The following ANKFN1 variants were observed in gnomAD, a reference collection of about 807,000 sequenced individuals.
ANKFN1 encodes ankyrin repeat and fibronectin type-III domain-containing protein 1.
In ANKFN1, 74 loss-of-function variants were observed where a neutral mutation model predicts 108.7. The observed-to-expected ratio is 0.68, with a 90% CI of 0.56 to 0.83. The LOEUF (loss-of-function observed/expected upper bound fraction) is 0.83. Ranked by LOEUF, ANKFN1 falls within the 40% of genes least tolerant of loss-of-function variation. The pLI, the probability that ANKFN1 is intolerant of heterozygous loss-of-function variation, is 0.00. For missense variants in ANKFN1, 1,505 were observed against 1,382.3 expected (o/e 1.09, Z -1.41); for synonymous variants, 547 against 516.2 (o/e 1.06, Z -0.81).
intron 10 of ANKFN1, among the ~76,000 whole-genome samples, chr17:56,447,134 A>C (rs889794269): frequency 3.9e-5 from 6 of 152,170 alleles, no homozygotes; most frequent in Admixed American, 1.3e-4. Context: ...GAGGAGGGAG[A>C]ATCACTTGAA....
chr17:56,401,519 T>C (rs1329310024), intron 8 of ANKFN1, among the ~76,000 whole-genome samples: 1 of 152,108 alleles, frequency 6.6e-6, no homozygotes, highest in Non-Finnish European at 1.5e-5. Flanking sequence ...GCTACTGATT[T>C]GTGTACATTA....
intron 4 of ANKFN1, among the ~76,000 whole-genome samples, chr17:56,343,525 CTCTATG>C (rs2046015865): frequency 6.6e-6 from 1 of 151,812 alleles, no homozygotes; most frequent in South Asian, 2.1e-4. Context: ...TTAACTTTCT[CTCTATG>C]TCTTTGGCTT....
chr17:56,386,658 G>A (rs1338911595), intron 8 of ANKFN1, among the ~76,000 whole-genome samples: 1 of 139,718 alleles, frequency 7.2e-6, no homozygotes, highest in East Asian at 2.1e-4. Flanking sequence ...TCTTTTTCTG[G>A]TCTCACTTGT....
At chr17:56,289,534 C>A (rs755328624) in intron 3 of ANKFN1, among the ~76,000 whole-genome samples, 2 of 152,194 alleles carry the variant, frequency 1.3e-5, no homozygotes, top group Non-Finnish European at 2.9e-5. Context: ...CAATTGAGTT[C>A]TTTCTCTGCT....
At chr17:56,487,225 C>G (rs1193362550) in intron 18 of ANKFN1, among the ~76,000 whole-genome samples, 2 of 152,178 alleles carry the variant, frequency 1.3e-5, no homozygotes, top group African/African-American at 4.8e-5. Context: ...GGTTGACACT[C>G]TACCATCCTT....
upstream of ANKFN1, among the ~76,000 whole-genome samples, chr17:56,150,624 T>C (rs1404672634): frequency 6.6e-6 from 1 of 152,152 alleles, no homozygotes; most frequent in Non-Finnish European, 1.5e-5. Flanking sequence ...TCCCTTTCCT[T>C]TAGGCATTCT....
intron 3 of ANKFN1, among the ~76,000 whole-genome samples, chr17:56,314,695 A>G (rs1450392609): frequency 6.6e-6 from 1 of 152,146 alleles, no homozygotes; most frequent in Admixed American, 6.5e-5. Context: ...TTTTACTCAT[A>G]TCTCCTGACT....
chr17:56,167,320 T>C lies in ANKFN1; in HGVS notation c.-71+13790T>C, dbSNP rs199950973. Among the ~76,000 whole-genome samples the C allele has an allele frequency of 0.011, 222 of 19,392 alleles. No homozygotes were observed. The East Asian group carries it at 0.21, about 18-fold the overall frequency. 12.7% of individuals were successfully genotyped at this position (19,392 alleles called of 152,430 possible). A position where few individuals can be genotyped will look rare whatever the true frequency, so the allele number is the denominator to read the frequency against. ...ATACATATATACACACACACACACA[T>C]ATATATATATATATATATATATGTA... On this transcript the variant is annotated intron_variant, in intron 1 of 20. Coordinates refer to ENST00000682825, the MANE Select transcript of ANKFN1 (RefSeq NM_001370326.1).
chr17:56,449,038 T>C (rs1013344191), intron 10 of ANKFN1, 41 bp from the exon 11 acceptor site: 4 of 1,574,414 alleles, frequency 2.5e-6, no homozygotes, highest in Non-Finnish European at 3.5e-6. Flanking sequence ...AGGCCTCCCC[T>C]GTTTTAAAAT....
intron 3 of ANKFN1, among the ~76,000 whole-genome samples, chr17:56,313,944 C>T (rs1279159578): frequency 2.0e-5 from 3 of 152,170 alleles, no homozygotes; most frequent in Non-Finnish European, 4.4e-5. Context: ...CAACCCAGTA[C>T]AACCTAGGCA....
intron 3 of ANKFN1, among the ~76,000 whole-genome samples, chr17:56,229,015 G>A (rs1438635609): frequency 3.9e-5 from 6 of 152,084 alleles, no homozygotes; most frequent in African/African-American, 1.4e-4. Flanking sequence ...TGAACTGCAG[G>A]AGAAACTTAG....
chr17:56,213,299 G>C (rs1203566313), intron 2 of ANKFN1, among the ~76,000 whole-genome samples: 1 of 152,162 alleles, frequency 6.6e-6, no homozygotes, highest in Non-Finnish European at 1.5e-5. Context: ...CTGACTTGCA[G>C]CATTAACACA....
chr17:56,213,219 C>T (rs1299389918), intron 2 of ANKFN1, among the ~76,000 whole-genome samples: 4 of 152,146 alleles, frequency 2.6e-5, no homozygotes, highest in Admixed American at 6.5e-5. Flanking sequence ...GAGGCTGGAG[C>T]TGGCACCAGA....
intron 4 of ANKFN1, among the ~76,000 whole-genome samples, chr17:56,055,570 T>TATATAC (rs1567778605): frequency 1.9e-4 from 19 of 100,090 alleles, no homozygotes; most frequent in African/African-American, 1.0e-3. Context: ...TATATACATA[T>TATATAC]ATATATATAT....
intron 4 of ANKFN1, among the ~76,000 whole-genome samples, chr17:56,105,463 T>A (rs1363000877): frequency 6.6e-6 from 1 of 152,078 alleles, no homozygotes; most frequent in Non-Finnish European, 1.5e-5. Context: ...TCTCTCTCAC[T>A]CTCTCCCTTC....
chr17:56,368,365 C>T (rs139526569), intron 6 of ANKFN1: 9,066 of 224,816 alleles, frequency 0.04, 856 homozygotes, highest in African/African-American at 0.21. Flanking sequence ...CTGCAACCTC[C>T]GCCTCCCAGG....
chr17:56,484,776 A>T (rs1372202606), intron 18 of ANKFN1, among the ~76,000 whole-genome samples: 1 of 152,244 alleles, frequency 6.6e-6, no homozygotes, highest in Non-Finnish European at 1.5e-5. Flanking sequence ...CTGGAGAGCT[A>T]ACCAGGATTC....
chr17:56,279,401 A>C (rs1471374010), intron 3 of ANKFN1, among the ~76,000 whole-genome samples: 1 of 152,206 alleles, frequency 6.6e-6, no homozygotes, highest in Non-Finnish European at 1.5e-5. Context: ...TGAAATTAGT[A>C]ATATTATCAG....
chr17:56,314,290 G>A (rs897963852), intron 3 of ANKFN1, among the ~76,000 whole-genome samples: 1 of 152,116 alleles, frequency 6.6e-6, no homozygotes, highest in Non-Finnish European at 1.5e-5. Context: ...GTAGAACCCA[G>A]AAGTCGAAGT....
Sources: gnomAD v4.1 joint callset for allele counts (sites outside exome capture counted in the v4.1 genomes callset) on GRCh38, gnomAD v4.1.1 for gene constraint, MANE v1.5 for transcripts, NCBI Gene and HGNC (gene_info 2026-07-23, HGNC 2026-07-21) for gene names.